The following CDC7 variants were observed in gnomAD, a reference collection of about 807,000 sequenced individuals.
CDC7 encodes cell division cycle 7.
A neutral mutation model predicts 53.5 loss-of-function variants in CDC7; 34 were observed. That is an observed-to-expected ratio of 0.64 (90% confidence interval 0.48 to 0.85). CDC7 has a LOEUF of 0.85. Ranked by LOEUF, CDC7 falls within the 40% of genes least tolerant of loss-of-function variation. The probability of loss-of-function intolerance (pLI) is 0.00; values close to 1 mark genes in which losing one functional copy is unlikely to be tolerated. For synonymous variants in CDC7, 211 were observed against 222.8 expected (o/e 0.95, Z 0.47); for missense variants, 594 against 679.7 (o/e 0.87, Z 1.40).
At chr1:91,501,110 C>G (rs1242010226) in intron 1 of CDC7, 162 bp downstream of exon 1, 1 of 152,238 alleles carries the variant, frequency 6.6e-6, no homozygotes, top group Non-Finnish European at 1.5e-5. Flanking sequence ...CACTAAGCAT[C>G]TGGTTCGGTC....
chr1:91,524,309 A>G lies in CDC7; in HGVS notation c.1599A>G (p.Glu533=), dbSNP rs747776136. The G allele has an allele frequency of 2.5e-6, 4 of 1,613,978 alleles. No homozygotes were observed. In the African/African-American group the frequency reaches 5.3e-5, roughly 22 times the overall value. Residue 533 remains glutamate, a synonymous_variant, in exon 12 of 12, where the codon GAA becomes GAG. Coordinates refer to ENST00000234626, the MANE Select transcript of CDC7 (RefSeq NM_003503.4). ...HCFDEYNTNL[E]GWNEVPDEAY... ...TTGATGAGTATAATACCAATTTAGAAGGCTGGAATGAGGTACCTGATGAAG... is the reference window on the plus strand; with the variant it reads ...TTGATGAGTATAATACCAATTTAGAGGGCTGGAATGAGGTACCTGATGAAG...
intron 7 of CDC7, 140 bp from the exon 8 acceptor site, chr1:91,513,808 G>T (rs938997825): frequency 1.4e-5 from 8 of 580,086 alleles, no homozygotes; most frequent in Non-Finnish European, 2.5e-5. Context: ...TCACAGAAGT[G>T]GTTTGGTGCC....
Position 91,524,169 on chromosome 1 carries a change from C to T in CDC7, c.1459C>T (p.Pro487Ser), listed in dbSNP as rs773009951. Reference protein sequence around the residue: ...SDIQGHASHQPAISEKTDHKA... With the variant: ...SDIQGHASHQSAISEKTDHKA... ...TATACAAGGGCATGCTTCTCATCAA[C>T]CAGCTATTTCAGAGAAGACTGACCA... is the stretch of plus-strand genomic sequence containing the variant. Residue 487 changes from proline (P) to serine (S), a missense_variant, in exon 12 of 12, where the codon CCA becomes TCA. Transcript: ENST00000234626. 2 of 1,614,028 alleles carry T rather than the reference C, an allele frequency of 1.2e-6. No homozygotes were observed. Among genetic ancestry groups the T allele is most frequent in the South Asian group, 2.2e-5 (2 of 91,078 alleles).
chr1:91,501,582 G>C, intron 1 of CDC7, 72 bp from the exon 2 acceptor site: 2 of 699,748 alleles, frequency 2.9e-6, no homozygotes, highest in East Asian at 5.0e-5. Flanking sequence ...GCCCCTTTGG[G>C]GGGCAGTAGC....
intron 1 of CDC7, chr1:91,501,452 C>A: frequency 2.8e-6 from 1 of 357,852 alleles, no homozygotes; most frequent in Non-Finnish European, 5.0e-6. Flanking sequence ...GGGAAATTCT[C>A]CCTGCAGCCC....
chr1:91,520,768 G>C (rs549428459), intron 11 of CDC7, among the ~76,000 whole-genome samples: 1 of 152,336 alleles, frequency 6.6e-6, no homozygotes, highest in Non-Finnish European at 1.5e-5. Context: ...CTAGGGAAGA[G>C]AATGGAAATG....
At chr1:91,520,541 G>C (rs1237469815) in intron 11 of CDC7, among the ~76,000 whole-genome samples, 1 of 152,048 alleles carries the variant, frequency 6.6e-6, no homozygotes, top group African/African-American at 2.4e-5. Context: ...TAAGAATAAG[G>C]AGTAAAATCT....
At chr1:91,506,775 C>T (rs981828730) in intron 2 of CDC7, among the ~76,000 whole-genome samples, 1 of 152,052 alleles carries the variant, frequency 6.6e-6, no homozygotes, top group Non-Finnish European at 1.5e-5. Context: ...TGTGGTGAAA[C>T]CCCGTCTCTA....
Position 91,513,451 on chromosome 1 carries a change from A to G in CDC7, c.822+144A>G, listed in dbSNP as rs184418645. The G allele has an allele frequency of 6.7e-4, 411 of 608,918 alleles. 3 individuals are homozygous for G. In the East Asian group the frequency reaches 1.0e-2, roughly 15 times the overall value. 37.7% of individuals were successfully genotyped at this position (608,918 alleles called of 1,614,324 possible). A position where few individuals can be genotyped will look rare whatever the true frequency, so the allele number is the denominator to read the frequency against. ...TTGTTATATGTATTCATTTGATTAA[A>G]TTTTCACTAAGATTTGTACTGAATC... On this transcript the variant is annotated intron_variant, in intron 7 of 11. Transcript: ENST00000234626.
At chr1:91,503,082 A>G (rs1352577165) in intron 2 of CDC7, among the ~76,000 whole-genome samples, 1 of 152,126 alleles carries the variant, frequency 6.6e-6, no homozygotes, top group Non-Finnish European at 1.5e-5. Flanking sequence ...TTTCTAAAGT[A>G]TGTTGTGACT....
intron 4 of CDC7, among the ~76,000 whole-genome samples, chr1:91,511,240 C>G (rs1191964384): frequency 6.6e-6 from 1 of 152,118 alleles, no homozygotes; most frequent in Non-Finnish European, 1.5e-5. Flanking sequence ...GGGTTCAAAT[C>G]CTGGCTCATT....
chr1:91,501,901 C>T (rs1478893026), intron 2 of CDC7, 70 bp downstream of exon 2: 6 of 1,085,576 alleles, frequency 5.5e-6, no homozygotes, highest in Middle Eastern at 2.0e-4. Context: ...TTTTCAATTC[C>T]TCTCAAAAAA....
Position 91,515,677 on chromosome 1 carries a change from C to T in CDC7, c.1098-117C>T, listed in dbSNP as rs980305467. 9.7e-6 allele frequency: 11 copies of T among 1,134,666 alleles called. No homozygotes were observed. The African/African-American group carries it at 1.6e-4, about 16-fold the overall frequency. 70.3% of individuals were successfully genotyped at this position (1,134,666 alleles called of 1,614,324 possible). On this transcript the variant is annotated intron_variant, in intron 9 of 11. Transcript: ENST00000234626. ...TAGATTATCATTTACTTTATAGTAA[C>T]ACTTATTATATAGGTATCAAGGCAA...
Position 91,508,403 on chromosome 1 carries a change from C to A in CDC7, c.335+6C>A. On this transcript the variant is annotated splice_donor_region_variant and intron_variant, in intron 4 of 11. Transcript: ENST00000234626. ...CAGTGCCTAACAGTGGCTGGGTAGG[C>A]AATTTAAACATATTTTAATTGAACT... is the stretch of plus-strand genomic sequence containing the variant. The A allele has an allele frequency of 6.2e-7, 1 of 1,600,316 alleles. No individual in the cohort carries two copies. Among genetic ancestry groups the A allele is most frequent in the Non-Finnish European group, 8.5e-7 (1 of 1,171,706 alleles).
At chr1:91,506,290 G>A (rs1161513972) in intron 2 of CDC7, among the ~76,000 whole-genome samples, 1 of 151,840 alleles carries the variant, frequency 6.6e-6, no homozygotes, top group South Asian at 2.1e-4. Context: ...CTGAGCCACC[G>A]CCCCAGGCCA....
At chr1:91,513,413 C>A in intron 7 of CDC7, 106 bp downstream of exon 7, 2 of 761,230 alleles carry the variant, frequency 2.6e-6, no homozygotes, top group South Asian at 4.5e-5. Flanking sequence ...ATTTAAAAAA[C>A]TTTTTTTTGC....
chr1:91,518,439 A>G (rs1159406468), intron 10 of CDC7, among the ~76,000 whole-genome samples: 7 of 152,208 alleles, frequency 4.6e-5, no homozygotes. Flanking sequence ...CTGCACTCCC[A>G]TGTTTGTTGA....
chr1:91,508,078 A>G, intron 3 of CDC7, 141 bp downstream of exon 3: 1 of 792,208 alleles, frequency 1.3e-6, no homozygotes, highest in Non-Finnish European at 1.9e-6. Context: ...TTTTATTACT[A>G]ATTATGGTAA....
chr1:91,503,151 T>C (rs764078899), intron 2 of CDC7, among the ~76,000 whole-genome samples: 23 of 152,316 alleles, frequency 1.5e-4, no homozygotes, highest in Non-Finnish European at 3.2e-4. Context: ...TTTAGGAGAA[T>C]GCCACTATTC....
Sources: gnomAD v4.1 joint callset for allele counts (sites outside exome capture counted in the v4.1 genomes callset) on GRCh38, gnomAD v4.1.1 for gene constraint, MANE v1.5 for transcripts, NCBI Gene and HGNC (gene_info 2026-07-23, HGNC 2026-07-21) for gene names.